The following TRIO variants were observed in gnomAD, a reference collection of about 807,000 sequenced individuals.
TRIO encodes the protein trio Rho guanine nucleotide exchange factor, also known as triple functional domain protein.
Under a neutral mutation model 351.9 loss-of-function variants are expected in TRIO, and 58 were observed. That is an observed-to-expected ratio of 0.16 (90% CI 0.13 to 0.21). The LOEUF (loss-of-function observed/expected upper bound fraction) is 0.21, where lower values mean the gene tolerates loss of function less well. Among genes scored for constraint, TRIO ranks in the 10% least tolerant of loss-of-function variants. The pLI, the probability that TRIO is intolerant of heterozygous loss-of-function variation, is 1.00. For missense variants in TRIO, 3,201 were observed against 4,027.8 expected (o/e 0.79, Z 5.56); for synonymous variants, 1,758 against 1,595.7 (o/e 1.10, Z -2.42).
intron 28 of TRIO, 63 bp downstream of exon 28, chr5:14,394,193 T>A (rs1348111014): frequency 9.8e-7 from 1 of 1,015,864 alleles, no homozygotes; most frequent in South Asian, 1.8e-5. Context: ...TGACATTTAC[T>A]ATATATTTAT....
At chr5:14,306,669 G>C (rs1302102886) in intron 8 of TRIO, among the ~76,000 whole-genome samples, 1 of 152,126 alleles carries the variant, frequency 6.6e-6, no homozygotes, top group Non-Finnish European at 1.5e-5. Flanking sequence ...TCATTTACAA[G>C]GTGATTGGCA....
chr5:14,456,201 T>A (rs1561511805), intron 34 of TRIO, among the ~76,000 whole-genome samples: 1 of 152,230 alleles, frequency 6.6e-6, no homozygotes, highest in African/African-American at 2.4e-5. Flanking sequence ...CTGGAACTCT[T>A]GCAGGCGCTA....
rs151064200 is a variant in TRIO, at chr5:14,498,681, G to A, written c.8332+41G>A. On this transcript the variant is annotated intron_variant, in intron 53 of 56. Transcript: ENST00000344204. ...CGAGGATTCTACGTGACCCAGTGGG[G>A]CACGTCTTTCAGGAGTCTCCTTAAG... 10 of 1,598,220 alleles carry A rather than the reference G, an allele frequency of 6.3e-6. No homozygotes were observed. The Admixed American group carries it at 1.2e-4, about 19-fold the overall frequency.
intron 1 of TRIO, among the ~76,000 whole-genome samples, chr5:14,238,218 G>A (rs908255134): frequency 3.3e-5 from 5 of 152,162 alleles, no homozygotes; most frequent in African/African-American, 1.2e-4. Flanking sequence ...GGAGGGATAG[G>A]GTCCTGGAGG....
chr5:14,368,930 C>A (rs946204574), intron 17 of TRIO, 31 bp downstream of exon 17: 5 of 1,587,934 alleles, frequency 3.1e-6, no homozygotes, highest in Non-Finnish European at 4.3e-6. Context: ...CCTTGAACTC[C>A]ACTGATACTT....
At chr5:14,406,886 C>T (rs1169794630) in intron 33 of TRIO, among the ~76,000 whole-genome samples, 1 of 152,150 alleles carries the variant, frequency 6.6e-6, no homozygotes, top group Non-Finnish European at 1.5e-5. Flanking sequence ...AATCATTCAA[C>T]TCTTTCCATC....
intron 34 of TRIO, among the ~76,000 whole-genome samples, chr5:14,456,047 C>T (rs781331693): frequency 4.5e-4 from 69 of 152,252 alleles, no homozygotes; most frequent in Admixed American, 3.1e-3. Flanking sequence ...AATTCAAGCG[C>T]GGTGCGGGCG....
intron 1 of TRIO, among the ~76,000 whole-genome samples, chr5:14,215,818 A>G (rs1792181319): frequency 6.6e-6 from 1 of 152,220 alleles, no homozygotes; most frequent in Admixed American, 6.5e-5. Context: ...TGTTCTTCTA[A>G]ATAGACAACT....
At chr5:14,382,680 A>T (rs919043531) in intron 21 of TRIO, among the ~76,000 whole-genome samples, 2 of 152,198 alleles carry the variant, frequency 1.3e-5, no homozygotes, top group Admixed American at 6.5e-5. Flanking sequence ...GACAGTTTTC[A>T]CTTTTTGTTA....
chr5:14,189,046 G>A (rs1164454372), intron 1 of TRIO, among the ~76,000 whole-genome samples: 1 of 152,166 alleles, frequency 6.6e-6, no homozygotes, highest in African/African-American at 2.4e-5. Flanking sequence ...GTTTGGCCAT[G>A]GCTCTCTCTT....
chr5:14,431,507 C>T (rs974286095), intron 34 of TRIO, among the ~76,000 whole-genome samples: 4 of 152,204 alleles, frequency 2.6e-5, no homozygotes, highest in Admixed American at 1.3e-4. Context: ...AAATGAAGCC[C>T]TGTGTGTTCA....
intron 2 of TRIO, among the ~76,000 whole-genome samples, chr5:14,272,094 C>T (rs1267199405): frequency 1.3e-5 from 2 of 152,152 alleles, no homozygotes; most frequent in African/African-American, 2.4e-5. Flanking sequence ...TTAAAAGTAG[C>T]ATTTATTTGC....
At chr5:14,320,531 A>G (rs1739787648) in intron 9 of TRIO, among the ~76,000 whole-genome samples, 1 of 151,872 alleles carries the variant, frequency 6.6e-6, no homozygotes, top group African/African-American at 2.4e-5. Flanking sequence ...TGTGAGCGCC[A>G]CCCCCTTGCA....
intron 1 of TRIO, among the ~76,000 whole-genome samples, chr5:14,156,528 G>T (rs1788110270): frequency 6.6e-6 from 1 of 152,148 alleles, no homozygotes; most frequent in African/African-American, 2.4e-5. Flanking sequence ...TTTAGACTCA[G>T]TGTGTCCAAT....
chr5:14,436,809 G>C (rs1246018624), intron 34 of TRIO, among the ~76,000 whole-genome samples: 1 of 152,326 alleles, frequency 6.6e-6, no homozygotes, highest in South Asian at 2.1e-4. Flanking sequence ...TGATAGGTGG[G>C]TTCCCATGGT....
At chr5:14,413,971 C>A (rs967537676) in intron 33 of TRIO, among the ~76,000 whole-genome samples, 1 of 152,194 alleles carries the variant, frequency 6.6e-6, no homozygotes, top group African/African-American at 2.4e-5. Flanking sequence ...GATCTCAGAT[C>A]ATTGTCCCTC....
intron 34 of TRIO, among the ~76,000 whole-genome samples, chr5:14,423,858 C>A (rs781099559): frequency 2.6e-5 from 4 of 151,826 alleles, no homozygotes; most frequent in Non-Finnish European, 5.9e-5. Flanking sequence ...GTGTCCCGCA[C>A]TACTGCTGCC....
intron 11 of TRIO, among the ~76,000 whole-genome samples, chr5:14,343,077 C>T (rs1161926098): frequency 7.8e-6 from 1 of 127,590 alleles, no homozygotes; most frequent in African/African-American, 2.9e-5. Context: ...ATTATAGAAT[C>T]ACAGAAAGTT....
At chr5:14,376,138 T>C (rs986213533) in intron 19 of TRIO, among the ~76,000 whole-genome samples, 1 of 152,242 alleles carries the variant, frequency 6.6e-6, no homozygotes, top group Admixed American at 6.5e-5. Flanking sequence ...ATGTAAATGC[T>C]GCTCTTCTGT....
Sources: gnomAD v4.1 joint callset for allele counts (sites outside exome capture counted in the v4.1 genomes callset) on GRCh38, gnomAD v4.1.1 for gene constraint, MANE v1.5 for transcripts, NCBI Gene and HGNC (gene_info 2026-07-23, HGNC 2026-07-21) for gene names.